FAM83D: variants seen among roughly 807,000 people sequenced by gnomAD.
FAM83D encodes protein FAM83D.
A neutral mutation model predicts 25.4 loss-of-function variants in FAM83D; 26 were observed. That is an observed-to-expected ratio of 1.02 (90% confidence interval 0.75 to 1.42). FAM83D has a LOEUF of 1.42. FAM83D is among the 40% of genes most tolerant of loss of function. FAM83D has a pLI of 0.00. For synonymous variants in FAM83D, 310 were observed against 318.5 expected, an observed-to-expected ratio of 0.97 and a Z score of 0.28; for missense variants, 740 against 758.1, an observed-to-expected ratio of 0.98 and a Z score of 0.28.
At chr20:38,931,789 G>A (rs1028828559) in intron 1 of FAM83D, among the ~76,000 whole-genome samples, 2 of 152,252 alleles carry the variant, frequency 1.3e-5, no homozygotes, top group Non-Finnish European at 2.9e-5. Context: ...TGACCACACA[G>A]AATCACTCAG....
intron 1 of FAM83D, among the ~76,000 whole-genome samples, chr20:38,935,364 A>G (rs2145801962): frequency 6.6e-6 from 1 of 152,312 alleles, no homozygotes; most frequent in East Asian, 1.9e-4. Flanking sequence ...CCCTCCAGAG[A>G]TCAGTGAAAA....
chr20:38,946,655 A>G (rs887162857), intron 2 of FAM83D, among the ~76,000 whole-genome samples: 41 of 152,138 alleles, frequency 2.7e-4, no homozygotes, highest in Non-Finnish European at 4.9e-4. Flanking sequence ...TTTACAGTCT[A>G]TTTTGTAAAT....
chr20:38,951,841 C>T lies in FAM83D; in HGVS notation c.1079C>T (p.Pro360Leu). Reference sequence around the variant, plus strand: ...GCAGAGGGCAAGGCAGAGCGCAAGCCCCATGACTGTGAGTCCTCTACTGTT... The same window carrying T: ...GCAGAGGGCAAGGCAGAGCGCAAGCTCCATGACTGTGAGTCCTCTACTGTT... The part of the protein sequence containing the change: ...MPAEGKAERK[P>L]HDCESSTVSE... Residue 360 changes from proline (P) to leucine (L), a missense_variant, in exon 4 of 4, where the codon CCC (proline) becomes CTC (leucine). This residue lies in a region of FAM83D where 375 missense variants were observed against 403.2 expected (regional missense o/e 0.93). Transcript: ENST00000619850. The T allele has an allele frequency of 1.2e-6, 2 of 1,614,200 alleles. No individual in the cohort carries two copies. Among genetic ancestry groups the T allele is most frequent in the South Asian group, 2.2e-5 (2 of 91,086 alleles).
At chr20:38,947,733 C>A in intron 2 of FAM83D, 143 bp from the exon 3 acceptor site, 1 of 856,690 alleles carries the variant, frequency 1.2e-6, no homozygotes, top group South Asian at 1.7e-5. Flanking sequence ...TGTATACTGT[C>A]ACTAAATGGT....
chr20:38,943,060 T>G (rs2085710051), intron 2 of FAM83D, among the ~76,000 whole-genome samples: 1 of 151,484 alleles, frequency 6.6e-6, no homozygotes, highest in Non-Finnish European at 1.5e-5. Context: ...AGTCTCACTC[T>G]GTTGCCCAGG....
At chr20:38,930,565 C>T (rs530633225) in intron 1 of FAM83D, among the ~76,000 whole-genome samples, 182 of 152,262 alleles carry the variant, frequency 1.2e-3, no homozygotes, top group South Asian at 3.7e-3. Context: ...ACTGCAACCT[C>T]CACCTCCTGG....
intron 1 of FAM83D, among the ~76,000 whole-genome samples, chr20:38,928,153 A>G (rs572296150): frequency 2.0e-5 from 3 of 152,346 alleles, no homozygotes; most frequent in Admixed American, 1.3e-4. Context: ...GGCAGTGCCC[A>G]GCTCCCTGGC....
intron 2 of FAM83D, among the ~76,000 whole-genome samples, chr20:38,943,740 G>A (rs977064386): frequency 1.3e-5 from 2 of 152,116 alleles, no homozygotes; most frequent in Non-Finnish European, 2.9e-5. Flanking sequence ...GCCCAGGCTG[G>A]AGTGCAGTGG....
Position 38,926,564 on chromosome 20 carries a change from C to T in FAM83D, c.122C>T (p.Ala41Val). The change falls in exon 1 of 4, where the codon GCG becomes GTG. Residue 41 changes from alanine to valine, a missense_variant. Around this residue, in one of 3 missense-constraint regions of FAM83D, gnomAD observed 333 missense variants for 298.6 expected, o/e 1.12. Transcript: ENST00000619850. ...SRRLALEELV[A>V]GGPEAFAAFL... is the part of the protein sequence containing the mutation. ...CGCCTGGCTCTGGAGGAGCTGGTGG[C>T]GGGCGGCCCCGAAGCCTTCGCGGCC... 2.6e-6 allele frequency: 4 copies of T among 1,566,510 alleles called. No homozygotes were observed. Among genetic ancestry groups the T allele is most frequent in the Non-Finnish European group, 3.4e-6 (4 of 1,163,358 alleles).
At chr20:38,944,916 G>A (rs1158060186) in intron 2 of FAM83D, among the ~76,000 whole-genome samples, 1 of 150,628 alleles carries the variant, frequency 6.6e-6, no homozygotes, top group Non-Finnish European at 1.5e-5. Context: ...TCCAGCCTGG[G>A]CAACAGAGAG....
rs375001353 is a variant in FAM83D, at chr20:38,930,654, C to CT, written c.483+3740dup. ...CACCACCATGCCCAGCTAATTTTTT[C>CT]TTTTTTTTTTTGGAGACAGAGTTGC... On this transcript the variant is annotated intron_variant, in intron 1 of 3. Coordinates refer to ENST00000619850, the MANE Select transcript of FAM83D (RefSeq NM_030919.3). 6.5e-4 allele frequency among the ~76,000 whole-genome samples: 94 copies of CT among 144,594 alleles called. 1 individual carries two copies. The highest frequency in any genetic ancestry group is 8.8e-4 in the African/African-American group (35 of 39,672). The allele number at this position is 144,594 out of a possible 152,430, so 94.9% of individuals were successfully genotyped here. A position where few individuals can be genotyped will look rare whatever the true frequency, so the allele number is the denominator to read the frequency against.
In FAM83D at chr20:38,951,623, C is replaced by G. The variant is rs775053614; in HGVS notation, c.861C>G (p.Phe287Leu). The change falls in exon 4 of 4, where the codon TTC becomes TTG. Residue 287 changes from phenylalanine (F) to leucine (L), a missense_variant. Transcript: ENST00000619850. The stretch of plus-strand genomic sequence containing the variant: ...TGGTTGAACACTTTGATCTGGAGTT[C>G]CGAATCCTGTATGCCCAGTCCAAGC... The part of the protein sequence containing the change: ...GQVVEHFDLE[F>L]RILYAQSKPI... 50 of 1,614,050 alleles carry G rather than the reference C, an allele frequency of 3.1e-5. No individual in the cohort carries two copies. The South Asian group carries it at 3.4e-4, about 11-fold the overall frequency.
Position 38,951,891 on chromosome 20 carries a change from C to T in FAM83D, c.1129C>T (p.His377Tyr). 6.2e-7 allele frequency: 1 copy of T among 1,614,148 alleles called. No individual in the cohort carries two copies. The highest frequency in any genetic ancestry group is 8.5e-7 in the Non-Finnish European group (1 of 1,180,024). The change falls in exon 4 of 4, where the codon CAC becomes TAC. Residue 377 changes from histidine to tyrosine, a missense_variant. By Grantham distance (83) the His-to-Tyr change is moderately conservative. Transcript: ENST00000619850. ...TAGTGAGGAAGACTACTTCAGCAGC[C>T]ACAGGGACGAGCTCCAGAGCAGAAA... is the stretch of plus-strand genomic sequence containing the variant. ...TVSEEDYFSS[H>Y]RDELQSRKAI...
At position 38,949,455 on chromosome 20, in the gene FAM83D, C is replaced by T. The variant is rs112315557; in HGVS notation, c.776+1455C>T. ...GGTTACAGGTGTGAGCCACTGCGCC[C>T]GGCCCAGCCTCATTGAAGGCTTTCA... On this transcript the variant is annotated intron_variant, in intron 3 of 3. Coordinates refer to ENST00000619850, the MANE Select transcript of FAM83D (RefSeq NM_030919.3). Among the ~76,000 whole-genome samples, 114 of 152,236 alleles carry T rather than the reference C, an allele frequency of 7.5e-4. 1 individual carries two copies. The highest frequency in any genetic ancestry group is 6.0e-3 in the East Asian group (31 of 5,172).
chr20:38,951,511 T>A, intron 3 of FAM83D, 28 bp from the exon 4 acceptor site: 1 of 1,591,692 alleles, frequency 6.3e-7, no homozygotes, highest in Non-Finnish European at 8.6e-7. Flanking sequence ...CCTTACCAGC[T>A]GCTGTTTGTT....
chr20:38,936,468 C>G (rs1340600504), intron 1 of FAM83D, among the ~76,000 whole-genome samples: 1 of 152,100 alleles, frequency 6.6e-6, no homozygotes, highest in Non-Finnish European at 1.5e-5. Flanking sequence ...GAACTGCCAG[C>G]AAACACTATG....
chr20:38,926,951 T>A, intron 1 of FAM83D, 26 bp downstream of exon 1: 1 of 1,415,682 alleles, frequency 7.1e-7, no homozygotes, highest in Non-Finnish European at 9.2e-7. Context: ...GGGCCCTGGG[T>A]CGCACGGGAG....
chr20:38,944,975 C>T lies in FAM83D; in HGVS notation c.651+2849C>T, dbSNP rs191618555. On this transcript the variant is annotated intron_variant, in intron 2 of 3. Transcript: ENST00000619850. ...AAAAGGCCTATTTCTCTGGCCTCCCCAGTTTTTGTAGTTTTACCTCCTTCC... is the reference window on the plus strand; with the variant it reads ...AAAAGGCCTATTTCTCTGGCCTCCCTAGTTTTTGTAGTTTTACCTCCTTCC... Among the ~76,000 whole-genome samples, 5 of 152,102 alleles carry T rather than the reference C, an allele frequency of 3.3e-5. No homozygotes were observed. The East Asian group carries it at 9.6e-4, about 29-fold the overall frequency.
chr20:38,949,568 G>A (rs1263201815), intron 3 of FAM83D, among the ~76,000 whole-genome samples: 1 of 152,188 alleles, frequency 6.6e-6, no homozygotes, highest in Admixed American at 6.5e-5. Flanking sequence ...AGAGTTGACT[G>A]TGTTCTATGA....
Sources: allele counts gnomAD v4.1 joint callset (sites outside exome capture counted in the v4.1 genomes callset), GRCh38; gene constraint gnomAD v4.1.1; regional missense constraint gnomAD v4.1.1; transcripts MANE v1.5; gene names NCBI Gene and HGNC (gene_info 2026-07-23, HGNC 2026-07-21).